The following MYO1E variants were observed in gnomAD, a reference collection of about 807,000 sequenced individuals.
The protein encoded by MYO1E is myosin IE, also known as unconventional myosin-Ie.
A neutral mutation model predicts 151.1 loss-of-function variants in MYO1E; 68 were observed. That is an observed-to-expected ratio of 0.45 (90% CI 0.37 to 0.55). The LOEUF is 0.55. Ranked by LOEUF, MYO1E falls within the 20% of genes least tolerant of loss-of-function variation. The probability of loss-of-function intolerance (pLI) is 0.00; values close to 1 mark genes in which losing one functional copy is unlikely to be tolerated. For missense variants in MYO1E, 1,363 were observed against 1,389.3 expected, an observed-to-expected ratio of 0.98 and a Z score of 0.30; for synonymous variants, 601 against 501.7, an observed-to-expected ratio of 1.20 and a Z score of -2.64.
intron 17 of MYO1E, among the ~76,000 whole-genome samples, chr15:59,189,765 C>T (rs2079721937): frequency 6.6e-6 from 1 of 152,228 alleles, no homozygotes; most frequent in Middle Eastern, 3.4e-3. Flanking sequence ...TTCGTAGAGA[C>T]GGGGTTTCGC....
chr15:59,190,486 G>A (rs547201106), intron 17 of MYO1E, among the ~76,000 whole-genome samples: 3 of 152,288 alleles, frequency 2.0e-5, no homozygotes, highest in South Asian at 4.1e-4. Flanking sequence ...TCATACTTGC[G>A]GATGTCTACT....
intron 2 of MYO1E, among the ~76,000 whole-genome samples, chr15:59,262,985 T>G (rs1012308415): frequency 6.6e-6 from 1 of 151,974 alleles, no homozygotes. Flanking sequence ...ACTTCTTGAC[T>G]TCATGGAGAG....
chr15:59,218,134 C>T, intron 9 of MYO1E, 47 bp from the exon 10 acceptor site: 1 of 1,600,460 alleles, frequency 6.2e-7, no homozygotes, highest in Admixed American at 1.7e-5. Flanking sequence ...AATTGTGACA[C>T]TTCCAAGTCA....
chr15:59,195,328 A>G (rs2140330079), intron 17 of MYO1E, 133 bp downstream of exon 17: 1 of 817,090 alleles, frequency 1.2e-6, no homozygotes, highest in Non-Finnish European at 2.1e-6. Flanking sequence ...TTGTCCTGAA[A>G]AAGTTAAGAT....
At chr15:59,312,910 T>C (rs2080561852) in intron 1 of MYO1E, among the ~76,000 whole-genome samples, 1 of 152,098 alleles carries the variant, frequency 6.6e-6, no homozygotes, top group Non-Finnish European at 1.5e-5. Flanking sequence ...CATGGTGGCA[T>C]GCCACCTGTA....
intron 1 of MYO1E, among the ~76,000 whole-genome samples, chr15:59,333,514 C>T (rs1262029363): frequency 5.9e-5 from 9 of 152,144 alleles, no homozygotes; most frequent in African/African-American, 2.2e-4. Flanking sequence ...AACTGCTAGG[C>T]TATAGGTGAG....
chr15:59,280,764 C>T (rs992137238), intron 1 of MYO1E, among the ~76,000 whole-genome samples: 1 of 151,864 alleles, frequency 6.6e-6, no homozygotes, highest in African/African-American at 2.4e-5. Flanking sequence ...TATATTCTGG[C>T]GCATGACATT....
At chr15:59,288,241 T>C (rs1220803891) in intron 1 of MYO1E, among the ~76,000 whole-genome samples, 2 of 152,186 alleles carry the variant, frequency 1.3e-5, no homozygotes, top group Non-Finnish European at 2.9e-5. Flanking sequence ...AGTGGTGTGA[T>C]CACAGCTCAC....
At chr15:59,327,515 A>G (rs80037024) in intron 1 of MYO1E, among the ~76,000 whole-genome samples, 1,750 of 151,802 alleles carry the variant, frequency 0.012, 18 homozygotes, top group Non-Finnish European at 0.014. Context: ...GGGTCTCCCT[A>G]TGTTTCCCAG....
At chr15:59,247,139 T>C (rs1464467025) in intron 4 of MYO1E, among the ~76,000 whole-genome samples, 1 of 152,112 alleles carries the variant, frequency 6.6e-6, no homozygotes, top group Non-Finnish European at 1.5e-5. Flanking sequence ...GAGGTTGCAG[T>C]GTGTTGAAAT....
At chr15:59,193,150 G>A (rs1208875864) in intron 17 of MYO1E, among the ~76,000 whole-genome samples, 1 of 151,114 alleles carries the variant, frequency 6.6e-6, no homozygotes, top group African/African-American at 2.4e-5. Context: ...AGATTTTTAA[G>A]ATGCACATTC....
chr15:59,172,089 G>A, intron 21 of MYO1E, 47 bp from the exon 22 acceptor site: 1 of 1,601,442 alleles, frequency 6.2e-7, no homozygotes. Context: ...AGGCATGGTG[G>A]CTCACACCTG....
intron 1 of MYO1E, among the ~76,000 whole-genome samples, chr15:59,339,612 C>G (rs982646668): frequency 6.6e-6 from 1 of 152,180 alleles, no homozygotes; most frequent in Non-Finnish European, 1.5e-5. Context: ...CTGTGTTTCT[C>G]TCCTAATAGG....
chr15:59,271,273 C>T (rs1471716145), intron 2 of MYO1E: 1 of 152,124 alleles, frequency 6.6e-6, no homozygotes, highest in East Asian at 1.9e-4. Flanking sequence ...TCATAATAAG[C>T]CACTGATGTG....
intron 1 of MYO1E, among the ~76,000 whole-genome samples, chr15:59,310,584 C>T (rs2080544944): frequency 6.6e-6 from 1 of 152,104 alleles, no homozygotes; most frequent in Admixed American, 6.6e-5. Flanking sequence ...ACAGAATCTC[C>T]CCAACCTTCG....
At chr15:59,362,813 G>A (rs563086754) in intron 1 of MYO1E, among the ~76,000 whole-genome samples, 24 of 152,220 alleles carry the variant, frequency 1.6e-4, no homozygotes, top group South Asian at 4.1e-4. Context: ...TGGTCACACC[G>A]AAGAAATTAT....
chr15:59,332,819 G>A (rs1413515553), intron 1 of MYO1E, among the ~76,000 whole-genome samples: 5 of 151,808 alleles, frequency 3.3e-5, no homozygotes, highest in Non-Finnish European at 5.9e-5. Context: ...CACCTCGGCC[G>A]CCCAAAGTGT....
chr15:59,363,430 AATAAAAT>A (rs2080896825), intron 1 of MYO1E, among the ~76,000 whole-genome samples: 1 of 152,228 alleles, frequency 6.6e-6, no homozygotes, highest in Non-Finnish European at 1.5e-5. Flanking sequence ...GGTATTACTG[AATAAAAT>A]CAACCAAAAT....
At chr15:59,325,488 C>G (rs1419842978) in intron 1 of MYO1E, among the ~76,000 whole-genome samples, 5 of 152,180 alleles carry the variant, frequency 3.3e-5, no homozygotes, top group African/African-American at 1.2e-4. Context: ...CCTAACTGCA[C>G]CACAGGTTGA....
Sources: gnomAD v4.1 joint callset for allele counts (sites outside exome capture counted in the v4.1 genomes callset) on GRCh38, gnomAD v4.1.1 for gene constraint, MANE v1.5 for transcripts, NCBI Gene and HGNC (gene_info 2026-07-23, HGNC 2026-07-21) for gene names.